The following AGBL1 variants were observed in gnomAD, a reference collection of about 807,000 sequenced individuals.
AGBL1 encodes the protein AGBL carboxypeptidase 1.
In AGBL1, 130 loss-of-function variants were observed where a neutral mutation model predicts 118.9. The ratio of observed to expected loss-of-function variants is 1.09; its 90% CI spans 0.95 to 1.26. The LOEUF (loss-of-function observed/expected upper bound fraction) is 1.26, where lower values mean the gene tolerates loss of function less well. Among genes scored for constraint, AGBL1 ranks in the 50% most tolerant of loss-of-function variants. The pLI is 0.00. For synonymous variants in AGBL1, 555 were observed against 478.9 expected (o/e 1.16, Z -2.08); for missense variants, 1,584 against 1,298.1 (o/e 1.22, Z -3.38).
chr15:86,097,576 A>G (rs1170249031), intron 1 of AGBL1, among the ~76,000 whole-genome samples: 1 of 150,500 alleles, frequency 6.6e-6, no homozygotes, highest in Admixed American at 6.6e-5. Flanking sequence ...GAGCGAGAAC[A>G]TGCAATATTT....
At chr15:86,330,140 G>A (rs985602940) in intron 17 of AGBL1, among the ~76,000 whole-genome samples, 1 of 152,304 alleles carries the variant, frequency 6.6e-6, no homozygotes, top group East Asian at 1.9e-4. Flanking sequence ...GCCTCCCTGG[G>A]AGCTGAGCAG....
chr15:86,262,910 T>C lies in AGBL1; in HGVS notation c.1086+16T>C. On this transcript the variant is annotated intron_variant, in intron 10 of 22. Coordinates refer to ENST00000614907, the MANE Select transcript of AGBL1 (RefSeq NM_001386094.1). ...TAGCTTTGAGGTAGGACATATGCTG[T>C]GGTTCTGATCTTTGACGATGCATGA... 1 of 1,568,780 alleles carries C rather than the reference T, an allele frequency of 6.4e-7. No individual in the cohort carries two copies. Among genetic ancestry groups the C allele is most frequent in the Non-Finnish European group, 8.7e-7 (1 of 1,148,936 alleles).
intron 22 of AGBL1, among the ~76,000 whole-genome samples, chr15:86,856,281 G>T (rs1385479778): frequency 6.6e-6 from 1 of 152,172 alleles, no homozygotes; most frequent in African/African-American, 2.4e-5. Context: ...TTCTCTGAGT[G>T]TGCTTAGAAG....
chr15:86,647,665 C>T (rs2085306524), intron 21 of AGBL1, among the ~76,000 whole-genome samples: 1 of 152,186 alleles, frequency 6.6e-6, no homozygotes, highest in South Asian at 2.1e-4. Flanking sequence ...CACACTACTG[C>T]ACTCCAGCCT....
At chr15:86,931,098 T>C (rs1260262290) in intron 23 of AGBL1, among the ~76,000 whole-genome samples, 1 of 152,208 alleles carries the variant, frequency 6.6e-6, no homozygotes, top group Non-Finnish European at 1.5e-5. Context: ...GTCATCCTCA[T>C]AAGCCAAAGC....
chr15:86,097,929 C>T (rs1173949564), intron 1 of AGBL1, among the ~76,000 whole-genome samples: 2 of 152,118 alleles, frequency 1.3e-5, no homozygotes, highest in African/African-American at 4.8e-5. Context: ...AATTTACACT[C>T]CCACCAAATG....
chr15:87,025,865 C>T (rs954822200), intron 24 of AGBL1, among the ~76,000 whole-genome samples: 2 of 151,740 alleles, frequency 1.3e-5, no homozygotes, highest in African/African-American at 4.8e-5. Context: ...ATACTTACAA[C>T]TAACTGATCT....
intron 17 of AGBL1, among the ~76,000 whole-genome samples, chr15:86,381,130 C>G (rs1269795440): frequency 6.6e-6 from 1 of 152,130 alleles, no homozygotes; most frequent in Admixed American, 6.5e-5. Context: ...CATTAAATAT[C>G]CTTTTTGTCA....
At chr15:86,112,044 G>A (rs571256931) in intron 1 of AGBL1, among the ~76,000 whole-genome samples, 2 of 152,306 alleles carry the variant, frequency 1.3e-5, no homozygotes, top group South Asian at 4.1e-4. Flanking sequence ...CCCAGATGGA[G>A]ATGTCTAGTT....
chr15:86,462,809 C>T (rs867329805), intron 18 of AGBL1, among the ~76,000 whole-genome samples: 1 of 152,054 alleles, frequency 6.6e-6, no homozygotes, highest in African/African-American at 2.4e-5. Context: ...GTATATGCAC[C>T]ACATTTTCAC....
chr15:86,427,442 C>T (rs1169977910), intron 18 of AGBL1, among the ~76,000 whole-genome samples: 1 of 151,414 alleles, frequency 6.6e-6, no homozygotes, highest in African/African-American at 2.4e-5. Context: ...ACATTTCCAG[C>T]TTTATGTTGC....
intron 4 of AGBL1, 70 bp from the exon 5 acceptor site, chr15:86,158,863 C>T (rs1285649201): frequency 7.3e-7 from 1 of 1,372,866 alleles, no homozygotes; most frequent in Admixed American, 1.7e-5. Flanking sequence ...TTAAAGGAGT[C>T]AATCCAAGTT....
intron 1 of AGBL1, among the ~76,000 whole-genome samples, chr15:86,099,768 C>T (rs1896601719): frequency 6.6e-6 from 1 of 152,080 alleles, no homozygotes; most frequent in Non-Finnish European, 1.5e-5. Context: ...CCTTGGCTTC[C>T]CAACATGCTG....
intron 22 of AGBL1, among the ~76,000 whole-genome samples, chr15:86,845,741 A>C (rs746156760): frequency 3.9e-5 from 6 of 152,088 alleles, no homozygotes; most frequent in Admixed American, 3.3e-4. Context: ...TTACTAACTT[A>C]ATTTCTTTAC....
intron 16 of AGBL1, among the ~76,000 whole-genome samples, chr15:86,294,774 A>C (rs1415483618): frequency 6.6e-6 from 1 of 152,082 alleles, no homozygotes; most frequent in Admixed American, 6.6e-5. Flanking sequence ...ATTTGTACAA[A>C]TTTATGGGTA....
chr15:86,686,764 A>G (rs1214910590), intron 22 of AGBL1, among the ~76,000 whole-genome samples: 2 of 152,066 alleles, frequency 1.3e-5, no homozygotes, highest in Admixed American at 6.5e-5. Context: ...ATGAATTTTT[A>G]TCATCTCTCA....
At chr15:86,122,834 A>G (rs1898166950) in intron 1 of AGBL1, among the ~76,000 whole-genome samples, 1 of 151,950 alleles carries the variant, frequency 6.6e-6, no homozygotes, top group Admixed American at 6.6e-5. Flanking sequence ...GTCTCATTAT[A>G]CCCTCCTCCC....
intron 21 of AGBL1, among the ~76,000 whole-genome samples, chr15:86,560,900 G>A (rs1270343008): frequency 6.6e-6 from 1 of 152,180 alleles, no homozygotes; most frequent in Non-Finnish European, 1.5e-5. Context: ...GTGATGATGA[G>A]CATTTTTTCA....
intron 18 of AGBL1, among the ~76,000 whole-genome samples, chr15:86,405,810 A>C (rs985747357): frequency 1.3e-5 from 2 of 152,150 alleles, no homozygotes; most frequent in African/African-American, 2.4e-5. Context: ...AAGTGGTAGA[A>C]GTCTAAGTTC....
Sources: gnomAD v4.1 joint callset for allele counts (sites outside exome capture counted in the v4.1 genomes callset) on GRCh38, gnomAD v4.1.1 for gene constraint, MANE v1.5 for transcripts, NCBI Gene and HGNC (gene_info 2026-07-23, HGNC 2026-07-21) for gene names.